Variants in CASK observed in about 807,000 individuals in gnomAD.
CASK encodes the protein peripheral plasma membrane protein CASK.
CASK carries 4 observed loss-of-function variants against 82.9 expected under a neutral mutation model. That is an observed-to-expected ratio of 0.05 (90% CI 0.02 to 0.11). CASK has a LOEUF of 0.11. Ranked by LOEUF, CASK falls within the 10% of genes least tolerant of loss-of-function variation. The probability of loss-of-function intolerance (pLI) is 1.00; values close to 1 mark genes in which losing one functional copy is unlikely to be tolerated. For missense variants in CASK, 358 were observed against 720.9 expected (o/e 0.50, Z 5.76); for synonymous variants, 259 against 253.5 (o/e 1.02, Z -0.20).
chrX:41,784,478 T>C (rs2069542307), intron 3 of CASK, among the ~76,000 whole-genome samples: 1 of 112,047 alleles, frequency 8.9e-6, no homozygotes, highest in Non-Finnish European at 1.9e-5. Flanking sequence ...GAGTCTGATT[T>C]GGCTGAGTGA....
At chrX:41,564,307 G>A (rs915702182) in intron 16 of CASK, among the ~76,000 whole-genome samples, 4 of 112,503 alleles carry the variant, frequency 3.6e-5, no homozygotes, top group Non-Finnish European at 7.5e-5. Flanking sequence ...TAAAAGGCAT[G>A]TACTAAAAAT....
At chrX:41,766,900 C>T (rs375256294) in intron 3 of CASK, among the ~76,000 whole-genome samples, 4 of 111,392 alleles carry the variant, frequency 3.6e-5, no homozygotes, top group Non-Finnish European at 7.5e-5. Flanking sequence ...AAAACAAAAA[C>T]AAGAGCATTA....
At chrX:41,832,914 T>C (rs2070852226) in intron 2 of CASK, among the ~76,000 whole-genome samples, 1 of 111,575 alleles carries the variant, frequency 9.0e-6, no homozygotes, top group African/African-American at 3.3e-5. Flanking sequence ...GGGGCCACTT[T>C]AAGAAGCAAA....
At chrX:41,808,546 T>A (rs977594793) in intron 2 of CASK, among the ~76,000 whole-genome samples, 2 of 112,256 alleles carry the variant, frequency 1.8e-5, no homozygotes, top group African/African-American at 6.5e-5. Context: ...GAATTAAGAT[T>A]CTTTAAAATC....
chrX:41,855,289 C>A (rs577822835), intron 1 of CASK, among the ~76,000 whole-genome samples: 7 of 111,382 alleles, frequency 6.3e-5, no homozygotes, highest in African/African-American at 2.3e-4. Context: ...TAGTACGAGG[C>A]AAAGAAAATA....
At chrX:41,778,939 CAGG>C (rs1002939069) in intron 3 of CASK, among the ~76,000 whole-genome samples, 1 of 110,578 alleles carries the variant, frequency 9.0e-6, no homozygotes, top group African/African-American at 3.3e-5. Context: ...TTTGCAGATC[CAGG>C]AGTTTATATC....
At chrX:41,627,442 G>A (rs1278001200) in intron 9 of CASK, among the ~76,000 whole-genome samples, 1 of 111,838 alleles carries the variant, frequency 8.9e-6, no homozygotes, top group Admixed American at 9.5e-5. Flanking sequence ...AGGGGTACAA[G>A]TGGTTTTTGG....
chrX:41,685,811 A>G (rs1256463884), intron 5 of CASK, among the ~76,000 whole-genome samples: 1 of 112,062 alleles, frequency 8.9e-6, no homozygotes. Flanking sequence ...ATTTGTATAT[A>G]CTAGCAGAGG....
intron 8 of CASK, among the ~76,000 whole-genome samples, chrX:41,646,044 C>G (rs969079087): frequency 3.6e-5 from 4 of 111,216 alleles, no homozygotes; most frequent in East Asian, 5.6e-4. Flanking sequence ...TAAATACCCC[C>G]CTCTGTGCCT....
At chrX:41,841,103 T>G (rs1348073650) in intron 2 of CASK, among the ~76,000 whole-genome samples, 2 of 112,159 alleles carry the variant, frequency 1.8e-5, no homozygotes, top group African/African-American at 6.5e-5. Context: ...AAGTTCAACT[T>G]TTGAGGAACT....
chrX:41,731,186 G>T (rs2068390047), intron 5 of CASK, among the ~76,000 whole-genome samples: 2 of 112,757 alleles, frequency 1.8e-5, no homozygotes, highest in African/African-American at 3.2e-5. Flanking sequence ...TCAGGGGGCT[G>T]AAGTGGGGGG....
chrX:41,682,682 G>A (rs2067380059), intron 5 of CASK, among the ~76,000 whole-genome samples: 1 of 106,370 alleles, frequency 9.4e-6, no homozygotes, highest in African/African-American at 3.4e-5. Flanking sequence ...TGCAATCATA[G>A]CTTACTGTAG....
intron 8 of CASK, among the ~76,000 whole-genome samples, chrX:41,659,162 A>T (rs1380706499): frequency 1.8e-5 from 2 of 111,334 alleles, no homozygotes; most frequent in East Asian, 5.6e-4. Flanking sequence ...GCAAAATCAA[A>T]GGGTAGTGGT....
chrX:41,708,810 A>G (rs1448555356), intron 5 of CASK, among the ~76,000 whole-genome samples: 2 of 111,559 alleles, frequency 1.8e-5, no homozygotes, highest in African/African-American at 6.5e-5. Context: ...TGACCCTCTT[A>G]AAGACTTTTT....
intron 1 of CASK, among the ~76,000 whole-genome samples, chrX:41,862,377 C>A (rs2071506191): frequency 9.2e-6 from 1 of 108,905 alleles, no homozygotes; most frequent in African/African-American, 3.4e-5. Context: ...CCTGTCTCTA[C>A]TAAAAATACA....
At chrX:41,686,085 G>C (rs1488691070) in intron 5 of CASK, among the ~76,000 whole-genome samples, 1 of 111,074 alleles carries the variant, frequency 9.0e-6, no homozygotes, top group Non-Finnish European at 1.9e-5. Context: ...TCAGGAACAT[G>C]CATTTTTTTT....
intron 1 of CASK, among the ~76,000 whole-genome samples, chrX:41,884,136 G>A (rs1268401958): frequency 3.6e-5 from 4 of 112,219 alleles, no homozygotes; most frequent in African/African-American, 1.3e-4. Flanking sequence ...AGCAGAGCCA[G>A]GGCCTGCCAA....
At chrX:41,696,418 C>T in intron 5 of CASK, 1 of 1,185,006 alleles carries the variant, frequency 8.4e-7, no homozygotes, top group South Asian at 1.9e-5. Context: ...GGTAAATATG[C>T]CACTACAGCT....
At position 41,598,007 on chromosome X, in the gene CASK, C is replaced by T. The variant is rs975294401; in HGVS notation, c.1156-8415G>A. 7.3e-5 allele frequency among the ~76,000 whole-genome samples: 8 copies of T among 109,442 alleles called. No individual in the cohort carries two copies. In the South Asian group the frequency reaches 1.6e-3, roughly 22 times the overall value. On this transcript the variant is annotated intron_variant, in intron 12 of 26. Coordinates refer to ENST00000378163, the MANE Select transcript of CASK (RefSeq NM_001367721.1). Reference sequence around the variant, plus strand: ...TACAAAAATTAGCCAGGTGTGGTGGCGCACTCCTGTAATCCCAGCTACTTG... The same window carrying T: ...TACAAAAATTAGCCAGGTGTGGTGGTGCACTCCTGTAATCCCAGCTACTTG...
Sources: allele counts gnomAD v4.1 joint callset (sites outside exome capture counted in the v4.1 genomes callset), GRCh38; gene constraint gnomAD v4.1.1; transcripts MANE v1.5; gene names NCBI Gene and HGNC (gene_info 2026-07-23, HGNC 2026-07-21).